Variants in LTA4H observed in about 807,000 individuals in gnomAD.
LTA4H encodes leukotriene A4 hydrolase, also known as leukotriene A-4 hydrolase.
A neutral mutation model predicts 89.8 loss-of-function variants in LTA4H; 59 were observed. That is an observed-to-expected ratio of 0.66 (90% confidence interval 0.53 to 0.82). LTA4H has a LOEUF of 0.82. LTA4H is among the 40% of genes least tolerant of loss of function. The probability of loss-of-function intolerance (pLI) is 0.00; values close to 1 mark genes in which losing one functional copy is unlikely to be tolerated. For synonymous variants in LTA4H, 227 were observed against 253.1 expected, an observed-to-expected ratio of 0.90 and a Z score of 0.98; for missense variants, 617 against 727.0, an observed-to-expected ratio of 0.85 and a Z score of 1.74.
At chr12:96,016,403 G>A (rs1383816259) in intron 10 of LTA4H, among the ~76,000 whole-genome samples, 1 of 151,960 alleles carries the variant, frequency 6.6e-6, no homozygotes, top group Non-Finnish European at 1.5e-5. Context: ...TTGAGCTCAG[G>A]AGTTTGAGAC....
At chr12:96,025,396 G>C (rs368720971) in intron 3 of LTA4H, 1 of 152,328 alleles carries the variant, frequency 6.6e-6, no homozygotes, top group Middle Eastern at 3.4e-3. Flanking sequence ...CAATCTTGCA[G>C]CAAACCTTGT....
chr12:96,018,707 G>A, intron 8 of LTA4H, 56 bp downstream of exon 8: 2 of 1,374,520 alleles, frequency 1.5e-6, no homozygotes, highest in South Asian at 3.3e-5. Flanking sequence ...GACTCCTAAG[G>A]TTCTTAAGTT....
intron 3 of LTA4H, chr12:96,025,487 A>G (rs1592893240): frequency 6.6e-6 from 1 of 152,190 alleles, no homozygotes; most frequent in Admixed American, 6.5e-5. Flanking sequence ...TATCATATGC[A>G]AAGTGTTTCT....
chr12:96,028,354 G>A (rs927419620), intron 2 of LTA4H, among the ~76,000 whole-genome samples: 1 of 152,132 alleles, frequency 6.6e-6, no homozygotes, highest in African/African-American at 2.4e-5. Flanking sequence ...TCACAAGCTA[G>A]ACTTAAGTGT....
intron 1 of LTA4H, among the ~76,000 whole-genome samples, chr12:96,033,612 G>C (rs1280197109): frequency 6.6e-6 from 1 of 152,058 alleles, no homozygotes; most frequent in Non-Finnish European, 1.5e-5. Context: ...AGAACGTGCA[G>C]GTTTGTTACA....
chr12:96,013,663 T>C, intron 13 of LTA4H, 87 bp downstream of exon 13: 1 of 723,580 alleles, frequency 1.4e-6, no homozygotes, highest in Non-Finnish European at 2.4e-6. Context: ...GAACCAATAC[T>C]ACTATTAGAT....
At chr12:96,031,360 C>A (rs1379336782) in intron 1 of LTA4H, among the ~76,000 whole-genome samples, 1 of 152,204 alleles carries the variant, frequency 6.6e-6, no homozygotes, top group East Asian at 1.9e-4. Flanking sequence ...TGTATTATCT[C>A]AAGTCCTAAG....
chr12:96,001,137 A>G, intron 18 of LTA4H, 31 bp from the exon 19 acceptor site: 4 of 1,413,184 alleles, frequency 2.8e-6, no homozygotes, highest in Admixed American at 1.7e-5. Flanking sequence ...GAAAAGAAAG[A>G]AAGGCGAGAA....
intron 5 of LTA4H, 101 bp from the exon 6 acceptor site, chr12:96,021,238 A>C: frequency 1.2e-6 from 1 of 825,490 alleles, no homozygotes; most frequent in East Asian, 3.1e-5. Flanking sequence ...ATTCCCTTTC[A>C]AATCTCCTAA....
intron 17 of LTA4H, 69 bp from the exon 18 acceptor site, chr12:96,003,133 T>C: frequency 1.1e-6 from 1 of 932,380 alleles, no homozygotes. Flanking sequence ...CAGGTATATC[T>C]TAATATTACT....
At chr12:96,027,880 T>C (rs1177727613) in intron 2 of LTA4H, 2 of 165,692 alleles carry the variant, frequency 1.2e-5, no homozygotes, top group Non-Finnish European at 2.6e-5. Flanking sequence ...TTTATTAGAG[T>C]GAAAAAGTAA....
intron 6 of LTA4H, 131 bp from the exon 7 acceptor site, chr12:96,019,371 G>T: frequency 1.4e-6 from 1 of 716,302 alleles, no homozygotes; most frequent in Non-Finnish European, 2.3e-6. Context: ...ATGGGAAAGG[G>T]ATGAGGTTAC....
intron 18 of LTA4H, among the ~76,000 whole-genome samples, 160 bp downstream of exon 18, chr12:96,002,800 C>G (rs528477182): frequency 4.6e-5 from 7 of 152,248 alleles, no homozygotes; most frequent in Non-Finnish European, 8.8e-5. Context: ...GAAATTATTT[C>G]ACATTTTAAA....
chr12:96,027,297 A>G, intron 3 of LTA4H, 147 bp downstream of exon 3: 1 of 587,186 alleles, frequency 1.7e-6, no homozygotes, highest in East Asian at 3.5e-5. Flanking sequence ...AAAATATATA[A>G]TTCATCTTAT....
chr12:96,037,542 C>G (rs73375199), upstream of LTA4H, among the ~76,000 whole-genome samples: 22,025 of 151,742 alleles, frequency 0.15, 2,108 homozygotes, highest in East Asian at 0.3. Context: ...TGTTGACTGT[C>G]GTGATTTGGT....
At chr12:96,019,904 T>G (rs1207078538) in intron 6 of LTA4H, among the ~76,000 whole-genome samples, 2 of 149,134 alleles carry the variant, frequency 1.3e-5, no homozygotes, top group Admixed American at 6.6e-5. Context: ...CCAGCGTTTT[T>G]TTTTTTTTTT....
At chr12:96,024,214 G>T (rs908022095) in intron 4 of LTA4H, among the ~76,000 whole-genome samples, 1 of 152,100 alleles carries the variant, frequency 6.6e-6, no homozygotes, top group Non-Finnish European at 1.5e-5. Flanking sequence ...TTACAGGTGT[G>T]AGCCACCACA....
At chr12:96,007,763 A>G (rs1181455567) in intron 15 of LTA4H, among the ~76,000 whole-genome samples, 6 of 152,206 alleles carry the variant, frequency 3.9e-5, no homozygotes, top group African/African-American at 1.2e-4. Flanking sequence ...ACTAGCACCA[A>G]ATAAGCTGGA....
At chr12:96,041,683 C>T (rs1950687188) in intron 1 of LTA4H, among the ~76,000 whole-genome samples, 1 of 152,108 alleles carries the variant, frequency 6.6e-6, no homozygotes, top group Non-Finnish European at 1.5e-5. Context: ...TCTGTGTCGC[C>T]CAGGCCGGAG....
Sources: gnomAD v4.1 joint callset for allele counts (sites outside exome capture counted in the v4.1 genomes callset) on GRCh38, gnomAD v4.1.1 for gene constraint, MANE v1.5 for transcripts, NCBI Gene and HGNC (gene_info 2026-07-23, HGNC 2026-07-21) for gene names.